EEIG2: variants seen among roughly 807,000 people sequenced by gnomAD.
The protein encoded by EEIG2 is EEIG family member 2, also known as family with sequence similarity 102 member B.
chr1:108,615,029 AAG>A, the EEIG2 span, among the ~76,000 whole-genome samples: 2 of 152,202 alleles, frequency 1.3e-5, no homozygotes, highest in Admixed American at 1.3e-4. Context: ...AAAGAGAAAA[AAG>A]AGTCATGGAG....
the EEIG2 span, among the ~76,000 whole-genome samples, chr1:108,633,423 G>T: frequency 6.6e-6 from 1 of 152,122 alleles, no homozygotes; most frequent in Admixed American, 6.5e-5. Context: ...GAGTAGCTAG[G>T]ACTACAGGTG....
chr1:108,627,857 T>C, the EEIG2 span: 241,025 of 280,036 alleles, frequency 0.86, 106,290 homozygotes, highest in Non-Finnish European at 0.94. Flanking sequence ...TGTAGCAGTT[T>C]TAAGATAGAG....
At chr1:108,560,337 C>G in the EEIG2 span, 1 of 1,038,440 alleles carries the variant, frequency 9.6e-7, no homozygotes, top group Admixed American at 5.7e-5. Context: ...GCTCGCGGCC[C>G]CGGCCATGGG....
chr1:108,629,749 G>C, the EEIG2 span: 4 of 916,222 alleles, frequency 4.4e-6, no homozygotes, highest in Non-Finnish European at 7.0e-6. Context: ...GTTTGTACTA[G>C]GCTGAAGCAA....
chr1:108,571,691 T>G, the EEIG2 span, among the ~76,000 whole-genome samples: 1 of 152,196 alleles, frequency 6.6e-6, no homozygotes, highest in African/African-American at 2.4e-5. Context: ...TGGCTGCTAC[T>G]TCTTGGAGTG....
chr1:108,599,854 T>C, the EEIG2 span, among the ~76,000 whole-genome samples: 7 of 152,248 alleles, frequency 4.6e-5, 1 homozygote, highest in South Asian at 1.4e-3. Context: ...TAGCCTGGCG[T>C]GGTGGCAGGT....
At chr1:108,580,881 T>A in the EEIG2 span, among the ~76,000 whole-genome samples, 2 of 152,182 alleles carry the variant, frequency 1.3e-5, no homozygotes, top group African/African-American at 4.8e-5. Context: ...AAGATCTAGC[T>A]AAGATCATTG....
the EEIG2 span, among the ~76,000 whole-genome samples, chr1:108,568,188 A>G: frequency 6.6e-6 from 1 of 152,160 alleles, no homozygotes; most frequent in Non-Finnish European, 1.5e-5. Context: ...ACTGAGCCTT[A>G]CATAGCCAGC....
chr1:108,626,575 T>G, the EEIG2 span: 1 of 152,236 alleles, frequency 6.6e-6, no homozygotes, highest in African/African-American at 2.4e-5. Flanking sequence ...GCTGGATTAT[T>G]ATGAAAACCT....
chr1:108,564,853 A>G, the EEIG2 span, among the ~76,000 whole-genome samples: 1 of 152,096 alleles, frequency 6.6e-6, no homozygotes, highest in Non-Finnish European at 1.5e-5. Context: ...AGGCTGAGGT[A>G]GGAGGATCGC....
At chr1:108,628,702 G>T in the EEIG2 span, 2 of 1,612,290 alleles carry the variant, frequency 1.2e-6, no homozygotes, top group Non-Finnish European at 1.7e-6. Context: ...AGATTCTGTA[G>T]AATCTCAGCT....
At chr1:108,592,860 C>T in the EEIG2 span, among the ~76,000 whole-genome samples, 1 of 152,064 alleles carries the variant, frequency 6.6e-6, no homozygotes, top group Non-Finnish European at 1.5e-5. Context: ...GAAGTTTGGG[C>T]TGGGTGTGGT....
the EEIG2 span, among the ~76,000 whole-genome samples, chr1:108,593,951 G>A: frequency 2.0e-5 from 3 of 151,970 alleles, no homozygotes; most frequent in Admixed American, 1.3e-4. Flanking sequence ...GACCACAGGC[G>A]TACACCACCA....
the EEIG2 span, among the ~76,000 whole-genome samples, chr1:108,573,168 A>G: frequency 6.6e-6 from 1 of 152,198 alleles, no homozygotes; most frequent in African/African-American, 2.4e-5. Context: ...CCATCTTTAA[A>G]GGCTTCCACA....
chr1:108,576,464 A>C, the EEIG2 span, among the ~76,000 whole-genome samples: 1 of 118,122 alleles, frequency 8.5e-6, no homozygotes, highest in African/African-American at 3.3e-5. Flanking sequence ...ACCCCACCAC[A>C]GTCCCCAGAG....
chr1:108,569,675 C>A, the EEIG2 span, among the ~76,000 whole-genome samples: 7,541 of 152,158 alleles, frequency 0.05, 610 homozygotes, highest in African/African-American at 0.17. Flanking sequence ...TATGACTAAG[C>A]TTTCAATTTT....
chr1:108,589,783 C>CTTTTTTTTTTTT, the EEIG2 span, among the ~76,000 whole-genome samples: 2 of 85,140 alleles, frequency 2.3e-5, no homozygotes, highest in African/African-American at 5.2e-5. Context: ...GTCTTTTGTC[C>CTTTTTTTTTTTT]TTTTTTTTTT....
At chr1:108,560,636 C>G in the EEIG2 span, 1 of 1,537,706 alleles carries the variant, frequency 6.5e-7, no homozygotes, top group Non-Finnish European at 8.7e-7. Context: ...AGCATCTCTC[C>G]TTGGCCCATT....
the EEIG2 span, chr1:108,628,221 C>G: frequency 1.2e-6 from 2 of 1,614,130 alleles, no homozygotes; most frequent in Admixed American, 1.7e-5. Flanking sequence ...TGTGGACATT[C>G]TAGAACATCA....
Sources: gnomAD v4.1 joint callset for allele counts (sites outside exome capture counted in the v4.1 genomes callset) on GRCh38, gnomAD v4.1.1 for gene constraint, MANE v1.5 for transcripts, NCBI Gene and HGNC (gene_info 2026-07-23, HGNC 2026-07-21) for gene names.